OCA2: variants seen among roughly 807,000 people sequenced by gnomAD.
OCA2 encodes OCA2 melanosomal transmembrane protein, also known as P protein.
Under a neutral mutation model 100.2 loss-of-function variants are expected in OCA2, and 77 were observed. The ratio of observed to expected loss-of-function variants is 0.77; its 90% CI spans 0.64 to 0.93. The LOEUF is 0.93. Among genes scored for constraint, OCA2 ranks in the 40% least tolerant of loss-of-function variants. OCA2 has a pLI of 0.00. For synonymous variants in OCA2, 432 were observed against 439.2 expected (o/e 0.98, Z 0.21); for missense variants, 1,062 against 1,089.1 (o/e 0.98, Z 0.35).
chr15:27,924,719 G>A (rs941355530), intron 19 of OCA2, among the ~76,000 whole-genome samples: 2 of 152,096 alleles, frequency 1.3e-5, no homozygotes, highest in Non-Finnish European at 2.9e-5. Flanking sequence ...ACAATAAAAT[G>A]TAATTTAACA....
intron 21 of OCA2, among the ~76,000 whole-genome samples, chr15:27,863,742 GTC>G (rs2036220867): frequency 6.6e-6 from 1 of 152,064 alleles, no homozygotes; most frequent in Non-Finnish European, 1.5e-5. Context: ...CTGCACATAT[GTC>G]TCTCACTTGG....
intron 18 of OCA2, among the ~76,000 whole-genome samples, chr15:27,941,865 G>T (rs959962134): frequency 6.6e-6 from 1 of 152,176 alleles, no homozygotes; most frequent in Non-Finnish European, 1.5e-5. Flanking sequence ...ATGTTATTTA[G>T]TAAAAGAGCA....
At chr15:27,917,122 C>G (rs2038694717) in intron 19 of OCA2, among the ~76,000 whole-genome samples, 1 of 152,076 alleles carries the variant, frequency 6.6e-6, no homozygotes. Context: ...AAACCTTACT[C>G]TCTTCTGGGC....
chr15:27,982,763 T>C (rs1213309433), intron 14 of OCA2, among the ~76,000 whole-genome samples: 1 of 152,240 alleles, frequency 6.6e-6, no homozygotes, highest in Non-Finnish European at 1.5e-5. Context: ...AAAATTCTAA[T>C]GATCAAAGAG....
intron 2 of OCA2, among the ~76,000 whole-genome samples, chr15:28,063,709 T>C (rs2043943388): frequency 6.6e-6 from 1 of 152,170 alleles, no homozygotes; most frequent in Non-Finnish European, 1.5e-5. Flanking sequence ...CTCTCACCTG[T>C]TTGTTCTATT....
chr15:28,054,002 G>T (rs958635308), intron 2 of OCA2, among the ~76,000 whole-genome samples: 1 of 152,170 alleles, frequency 6.6e-6, no homozygotes, highest in South Asian at 2.1e-4. Flanking sequence ...ATGAGTGTGG[G>T]TGTGTGTTTG....
At chr15:28,081,612 G>A (rs1297484942) in intron 2 of OCA2, 36 bp downstream of exon 2, 2 of 1,579,980 alleles carry the variant, frequency 1.3e-6, no homozygotes, top group Non-Finnish European at 1.7e-6. Flanking sequence ...TCTGTGTGAA[G>A]TCCACATTTA....
At chr15:28,011,483 A>AATC (rs2042237729) in intron 9 of OCA2, among the ~76,000 whole-genome samples, 2 of 152,152 alleles carry the variant, frequency 1.3e-5, no homozygotes, top group South Asian at 4.2e-4. Flanking sequence ...AAATAATAAT[A>AATC]ATAATAAAAC....
chr15:28,090,149 T>A (rs924641800), intron 1 of OCA2, among the ~76,000 whole-genome samples: 1 of 152,110 alleles, frequency 6.6e-6, no homozygotes, highest in African/African-American at 2.4e-5. Flanking sequence ...CAAGAAGACA[T>A]AGAAATCCTA....
intron 2 of OCA2, among the ~76,000 whole-genome samples, chr15:28,078,808 G>C (rs2044518445): frequency 6.6e-6 from 1 of 152,156 alleles, no homozygotes; most frequent in Non-Finnish European, 1.5e-5. Flanking sequence ...TTGTTACCTG[G>C]CAATAGATCC....
intron 2 of OCA2, among the ~76,000 whole-genome samples, chr15:28,077,098 T>C (rs2044457651): frequency 2.0e-5 from 3 of 151,818 alleles, no homozygotes; most frequent in African/African-American, 7.2e-5. Context: ...TCACACTTGT[T>C]GCCCAGGCTG....
At position 28,093,411 on chromosome 15, in the gene OCA2, C is replaced by CA. The variant is rs56141333; in HGVS notation, c.-22+5812dup. ...GGGCGACAAGAGCAAAACACCGTCT[C>CA]AAAAAAAAAAAAAGAAAGAAAGAAA... On this transcript the variant is annotated intron_variant, in intron 1 of 23. Transcript: ENST00000354638. 3.4e-4 allele frequency among the ~76,000 whole-genome samples: 49 copies of CA among 142,046 alleles called. No individual in the cohort carries two copies. In the East Asian group the frequency reaches 6.0e-3, roughly 17 times the overall value. The allele number at this position is 142,046 out of a possible 152,430, so 93.2% of individuals were successfully genotyped here.
rs146563221 is a variant in OCA2, at chr15:28,008,746, C to T, written c.1044+6030G>A. Reference sequence around the variant, plus strand: ...TTTCTTTTCGGCACCAAAAAACAAACATTTCAAACAGAGCAGATGAGAAGG... The same window carrying T: ...TTTCTTTTCGGCACCAAAAAACAAATATTTCAAACAGAGCAGATGAGAAGG... On this transcript the variant is annotated intron_variant, in intron 9 of 23. Transcript: ENST00000354638. Among the ~76,000 whole-genome samples, 176 of 152,350 alleles carry T rather than the reference C, an allele frequency of 1.2e-3. 3 individuals carry two copies. The highest frequency in any genetic ancestry group is 4.2e-3 in the African/African-American group (173 of 41,574).
At chr15:27,816,635 C>T (rs966033903) in intron 23 of OCA2, among the ~76,000 whole-genome samples, 10 of 152,124 alleles carry the variant, frequency 6.6e-5, no homozygotes, top group South Asian at 2.1e-4. Flanking sequence ...TCTCCTGACC[C>T]TTTCTCTCGG....
At chr15:27,774,691 G>A (rs1174132626) in intron 23 of OCA2, among the ~76,000 whole-genome samples, 4 of 152,214 alleles carry the variant, frequency 2.6e-5, no homozygotes, top group Non-Finnish European at 4.4e-5. Flanking sequence ...GCTCTTTAAA[G>A]AGGTGATTAA....
At chr15:27,938,867 G>A (rs140646755) in intron 18 of OCA2, among the ~76,000 whole-genome samples, 14 of 152,240 alleles carry the variant, frequency 9.2e-5, no homozygotes, top group Non-Finnish European at 1.6e-4. Context: ...TGGGAGTGGC[G>A]GACTGGACTG....
At chr15:27,822,048 T>G (rs538753818) in intron 23 of OCA2, among the ~76,000 whole-genome samples, 1 of 152,106 alleles carries the variant, frequency 6.6e-6, no homozygotes, top group Non-Finnish European at 1.5e-5. Context: ...GAGCAGCCCA[T>G]AGGCAGTCAA....
In OCA2 at chr15:27,773,876, G is replaced by A. The variant is rs36025837; in HGVS notation, c.2433-18404C>T. Among the ~76,000 whole-genome samples the A allele has an allele frequency of 5.2e-3, 791 of 152,264 alleles. 1 individual carries two copies. The highest frequency in any genetic ancestry group is 9.1e-3 in the Non-Finnish European group (617 of 68,016). ...CTCTTAATTTTGTTTCTATTTGTGC[G>A]TATACAATTCCTGAATTCTTGTAGA... On this transcript the variant is annotated intron_variant, in intron 23 of 23. Coordinates refer to ENST00000354638, the MANE Select transcript of OCA2 (RefSeq NM_000275.3).
intron 19 of OCA2, among the ~76,000 whole-genome samples, chr15:27,890,389 C>T (rs929798325): frequency 6.6e-6 from 1 of 152,052 alleles, no homozygotes; most frequent in Admixed American, 6.5e-5. Flanking sequence ...ACGATGAACC[C>T]AAAGAAATCC....
Sources: allele counts gnomAD v4.1 joint callset (sites outside exome capture counted in the v4.1 genomes callset), GRCh38; gene constraint gnomAD v4.1.1; transcripts MANE v1.5; gene names NCBI Gene and HGNC (gene_info 2026-07-23, HGNC 2026-07-21).